The following SUV39H2 variants were observed in gnomAD, a reference collection of about 807,000 sequenced individuals.
SUV39H2 encodes the protein SUV39H2 histone lysine methyltransferase.
Under a neutral mutation model 47.5 loss-of-function variants are expected in SUV39H2, and 10 were observed. The ratio of observed to expected loss-of-function variants is 0.21; its 90% CI spans 0.13 to 0.36. The LOEUF (loss-of-function observed/expected upper bound fraction) is 0.36, where lower values mean the gene tolerates loss of function less well. Among genes scored for constraint, SUV39H2 ranks in the 10% least tolerant of loss-of-function variants. SUV39H2 has a pLI of 1.00. For missense variants in SUV39H2, 266 were observed against 487.4 expected (o/e 0.55, Z 4.28); for synonymous variants, 159 against 166.8 (o/e 0.95, Z 0.36).
intron 2 of SUV39H2, among the ~76,000 whole-genome samples, chr10:14,884,119 A>G (rs1358828479): frequency 6.6e-6 from 1 of 152,252 alleles, no homozygotes; most frequent in Non-Finnish European, 1.5e-5. Context: ...GACTATTATA[A>G]ATAAGGCTGT....
chr10:14,881,954 G>A (rs1196761085), intron 2 of SUV39H2, among the ~76,000 whole-genome samples: 1 of 152,150 alleles, frequency 6.6e-6, no homozygotes, highest in African/African-American at 2.4e-5. Context: ...TTCGTGGATC[G>A]TATTTCCCCA....
Position 14,883,704 on chromosome 10 carries a change from C to CAAAAAA in SUV39H2, c.177+2082_177+2087dup, listed in dbSNP as rs58522342. ...TGGGCAACAGAGCGAGACTCAGTCTCAAAAAAAAAAAAAAAAAAAAAAAAA... is the reference window on the plus strand; with the variant it reads ...TGGGCAACAGAGCGAGACTCAGTCTCAAAAAAAAAAAAAAAAAAAAAAAAAAAAAAA... On this transcript the variant is annotated intron_variant, in intron 2 of 5. Transcript: ENST00000354919. 5.7e-3 allele frequency among the ~76,000 whole-genome samples: 287 copies of CAAAAAA among 50,032 alleles called. 22 individuals carry two copies. Among genetic ancestry groups the CAAAAAA allele is most frequent in the African/African-American group, 0.013 (269 of 21,214 alleles). The allele number at this position is 50,032 out of a possible 152,430, so 32.8% of individuals were successfully genotyped here. A position where few individuals can be genotyped will look rare whatever the true frequency, so the allele number is the denominator to read the frequency against.
At chr10:14,894,370 T>G (rs1362812044) in intron 2 of SUV39H2, among the ~76,000 whole-genome samples, 2 of 51,872 alleles carry the variant, frequency 3.9e-5, no homozygotes, top group Non-Finnish European at 6.2e-5. Context: ...TTTTTTTTTT[T>G]TTTTTTTTTT....
rs1228068670 is a variant in SUV39H2, at chr10:14,878,873, A to AT, written c.-15dup. 36 of 1,488,432 alleles carry AT rather than the reference A, an allele frequency of 2.4e-5. No individual in the cohort carries two copies. The highest frequency in any genetic ancestry group is 3.1e-5 in the Non-Finnish European group (35 of 1,118,662). 92.2% of individuals were successfully genotyped at this position (1,488,432 alleles called of 1,614,324 possible). The stretch of plus-strand genomic sequence containing the variant: ...ATCCCGTCAGACCGCGCCAGTTTGA[A>AT]TGAAAGCTCTACAAGATGGCGGCGG... On this transcript the variant is annotated 5_prime_UTR_variant, in exon 1 of 6. It removes an upstream start codon present in the reference 5' UTR. Coordinates refer to ENST00000354919, the MANE Select transcript of SUV39H2 (RefSeq NM_001193424.2).
intron 2 of SUV39H2, 49 bp from the exon 3 acceptor site, chr10:14,896,797 C>T (rs1833638241): frequency 6.9e-7 from 1 of 1,447,186 alleles, no homozygotes; most frequent in South Asian, 1.4e-5. Context: ...TTTGGTAAAA[C>T]TGGGAAATAG....
chr10:14,886,695 G>A (rs1833220695), intron 2 of SUV39H2, among the ~76,000 whole-genome samples: 1 of 152,228 alleles, frequency 6.6e-6, no homozygotes, highest in Non-Finnish European at 1.5e-5. Flanking sequence ...CTGTGTGCCA[G>A]ACACTGTGTT....
intron 1 of SUV39H2, chr10:14,879,208 C>T: frequency 1.0e-6 from 1 of 998,024 alleles, no homozygotes. Flanking sequence ...CTCCGCGTCT[C>T]CCGTGGCGGC....
rs1050512499 is a variant in SUV39H2 at position 14,878,871 on chromosome 10, G to C, written c.-18G>C. The C allele has an allele frequency of 4.0e-6, 6 of 1,488,032 alleles. No individual in the cohort carries two copies. Among genetic ancestry groups the C allele is most frequent in the Non-Finnish European group, 3.6e-6 (4 of 1,118,542 alleles). The allele number at this position is 1,488,032 out of a possible 1,614,324, so 92.2% of individuals were successfully genotyped here. ...CTATCCCGTCAGACCGCGCCAGTTT[G>C]AATGAAAGCTCTACAAGATGGCGGC... On this transcript the variant is annotated 5_prime_UTR_variant, in exon 1 of 6. Coordinates refer to ENST00000354919, the MANE Select transcript of SUV39H2 (RefSeq NM_001193424.2).
chr10:14,885,273 T>A (rs560970207), intron 2 of SUV39H2, among the ~76,000 whole-genome samples: 1 of 152,326 alleles, frequency 6.6e-6, no homozygotes, highest in East Asian at 1.9e-4. Context: ...CCTATTTTCC[T>A]CCTTCATACC....
chr10:14,882,184 C>G (rs368667862), intron 2 of SUV39H2, among the ~76,000 whole-genome samples: 6 of 152,164 alleles, frequency 3.9e-5, no homozygotes, highest in Admixed American at 2.6e-4. Context: ...TCCTTTATTG[C>G]TCTTAAAAAA....
chr10:14,883,940 G>A (rs1425645723), intron 2 of SUV39H2, among the ~76,000 whole-genome samples: 2 of 152,076 alleles, frequency 1.3e-5, no homozygotes, highest in Admixed American at 1.3e-4. Context: ...ACCATATGTG[G>A]TCCTTTGTGA....
chr10:14,879,367 T>G (rs1832972261), intron 1 of SUV39H2, among the ~76,000 whole-genome samples: 1 of 152,048 alleles, frequency 6.6e-6, no homozygotes, highest in East Asian at 1.9e-4. Context: ...CCCGCCGGCG[T>G]GAACATGACC....
intron 2 of SUV39H2, among the ~76,000 whole-genome samples, chr10:14,891,036 A>G (rs1833373193): frequency 6.6e-6 from 1 of 152,238 alleles, no homozygotes; most frequent in Non-Finnish European, 1.5e-5. Flanking sequence ...ATAAGATTCC[A>G]TCCCTTCCCG....
At chr10:14,890,731 C>T (rs1390273689) in intron 2 of SUV39H2, among the ~76,000 whole-genome samples, 2 of 152,176 alleles carry the variant, frequency 1.3e-5, no homozygotes, top group Non-Finnish European at 2.9e-5. Flanking sequence ...GAAAAAATTA[C>T]CTAGTGGAAA....
At chr10:14,884,950 T>A (rs906408971) in intron 2 of SUV39H2, among the ~76,000 whole-genome samples, 7 of 152,262 alleles carry the variant, frequency 4.6e-5, no homozygotes, top group African/African-American at 1.7e-4. Context: ...AAGGCCAGCG[T>A]GGTAATTATA....
chr10:14,893,082 A>G (rs1833445627), intron 2 of SUV39H2, among the ~76,000 whole-genome samples: 1 of 142,612 alleles, frequency 7.0e-6, no homozygotes, highest in Non-Finnish European at 1.5e-5. Context: ...GGCTCACTGC[A>G]GGCTCCGCCC....
At chr10:14,898,712 T>A (rs1341180395) in intron 3 of SUV39H2, 1 of 152,426 alleles carries the variant, frequency 6.6e-6, no homozygotes, top group Non-Finnish European at 1.5e-5. Context: ...GTCATAAAAC[T>A]TGTGTTCTTA....
intron 3 of SUV39H2, chr10:14,899,128 TG>T (rs1370396715): frequency 6.7e-5 from 45 of 668,050 alleles, no homozygotes; most frequent in Non-Finnish European, 1.1e-4. Flanking sequence ...CAGACCAGTG[TG>T]GGCAACATAG....
chr10:14,878,992 TC>T, intron 1 of SUV39H2, 73 bp downstream of exon 1: 1 of 1,334,358 alleles, frequency 7.5e-7, no homozygotes. Context: ...GGCGGGGCCG[TC>T]CCGCGGGCCA....
Sources: gnomAD v4.1 joint callset for allele counts (sites outside exome capture counted in the v4.1 genomes callset) on GRCh38, gnomAD v4.1.1 for gene constraint, MANE v1.5 for transcripts, NCBI Gene and HGNC (gene_info 2026-07-23, HGNC 2026-07-21) for gene names.